ST6GALNAC3: variants seen among roughly 807,000 people sequenced by gnomAD.
The protein encoded by ST6GALNAC3 is alpha-N-acetylgalactosaminide alpha-2,6-sialyltransferase 3.
Under a neutral mutation model 32.7 loss-of-function variants are expected in ST6GALNAC3, and 25 were observed. The observed-to-expected ratio is 0.76, with a 90% confidence interval of 0.56 to 1.07. The LOEUF (loss-of-function observed/expected upper bound fraction) is 1.07. Ranked by LOEUF, ST6GALNAC3 falls within the 50% of genes least tolerant of loss-of-function variation. ST6GALNAC3 has a pLI of 0.00. For missense variants in ST6GALNAC3, 355 were observed against 382.4 expected, an observed-to-expected ratio of 0.93 and a Z score of 0.60; for synonymous variants, 129 against 133.1, an observed-to-expected ratio of 0.97 and a Z score of 0.21.
intron 3 of ST6GALNAC3, among the ~76,000 whole-genome samples, chr1:76,473,905 A>G (rs1044041383): frequency 3.3e-5 from 5 of 152,132 alleles, no homozygotes; most frequent in African/African-American, 1.2e-4. Context: ...GATACATTGC[A>G]CTTTTCATTT....
intron 3 of ST6GALNAC3, among the ~76,000 whole-genome samples, chr1:76,487,106 G>T (rs1660173563): frequency 6.6e-6 from 1 of 152,156 alleles, no homozygotes; most frequent in East Asian, 1.9e-4. Flanking sequence ...CTGTTAGTCT[G>T]ATAGCCTTCC....
At chr1:76,236,010 CTG>C (rs1179696806) in intron 1 of ST6GALNAC3, among the ~76,000 whole-genome samples, 1 of 151,998 alleles carries the variant, frequency 6.6e-6, no homozygotes, top group Admixed American at 6.6e-5. Context: ...GAGTCCCACT[CTG>C]TTGCCCAGGC....
intron 1 of ST6GALNAC3, among the ~76,000 whole-genome samples, chr1:76,252,808 G>A (rs1657699040): frequency 6.6e-6 from 1 of 152,122 alleles, no homozygotes; most frequent in African/African-American, 2.4e-5. Context: ...CTCTGTGATA[G>A]CATTCAATTT....
chr1:76,419,598 T>C (rs747126916), intron 3 of ST6GALNAC3, among the ~76,000 whole-genome samples: 45 of 152,134 alleles, frequency 3.0e-4, no homozygotes, highest in Non-Finnish European at 6.0e-4. Flanking sequence ...CAAGTAAGGA[T>C]AGTTACATTC....
intron 2 of ST6GALNAC3, among the ~76,000 whole-genome samples, chr1:76,317,468 C>T (rs1193451356): frequency 6.6e-6 from 1 of 152,018 alleles, no homozygotes; most frequent in Non-Finnish European, 1.5e-5. Flanking sequence ...CACACTAAGT[C>T]CCTATTCATT....
At chr1:76,151,646 C>T (rs1477234395) in intron 1 of ST6GALNAC3, among the ~76,000 whole-genome samples, 1 of 151,808 alleles carries the variant, frequency 6.6e-6, no homozygotes, top group Non-Finnish European at 1.5e-5. Flanking sequence ...GCACAGGTGC[C>T]TCTGAGTGAT....
In ST6GALNAC3 at chr1:76,550,135, T is replaced by C. The variant is rs566775126; in HGVS notation, c.624-77317T>C. On this transcript the variant is annotated intron_variant, in intron 3 of 4. Coordinates refer to ENST00000328299, the MANE Select transcript of ST6GALNAC3 (RefSeq NM_152996.4). ...ACTGTTGCTAGGCTTTTCATGTTGT[T>C]TATGATGTTGCTTTATTAATAGCAG... 3.9e-4 allele frequency among the ~76,000 whole-genome samples: 59 copies of C among 152,346 alleles called. 1 individual carries two copies. Among genetic ancestry groups the C allele is most frequent in the African/African-American group, 1.4e-3 (59 of 41,568 alleles).
chr1:76,373,010 T>C (rs1454928638), intron 2 of ST6GALNAC3, among the ~76,000 whole-genome samples: 1 of 152,214 alleles, frequency 6.6e-6, no homozygotes, highest in Non-Finnish European at 1.5e-5. Context: ...TTGGCCAGGC[T>C]GGTCTCTAAG....
chr1:76,611,187 A>G (rs1647909425), intron 3 of ST6GALNAC3, among the ~76,000 whole-genome samples: 1 of 151,800 alleles, frequency 6.6e-6, no homozygotes, highest in Non-Finnish European at 1.5e-5. Flanking sequence ...TTATCCTGGT[A>G]CTCTTAAGGT....
chr1:76,431,293 C>A (rs1402633412), intron 3 of ST6GALNAC3, among the ~76,000 whole-genome samples: 1 of 152,152 alleles, frequency 6.6e-6, no homozygotes, highest in Admixed American at 6.5e-5. Context: ...AGCTCACTTC[C>A]AACAGTCTCA....
chr1:76,434,744 G>A (rs1451192965), intron 3 of ST6GALNAC3, among the ~76,000 whole-genome samples: 1 of 141,900 alleles, frequency 7.0e-6, no homozygotes, highest in Non-Finnish European at 1.5e-5. Flanking sequence ...TTTATGAGCT[G>A]TCACTAGAAG....
At chr1:76,422,754 T>A (rs1655109740) in intron 3 of ST6GALNAC3, among the ~76,000 whole-genome samples, 1 of 152,058 alleles carries the variant, frequency 6.6e-6, no homozygotes, top group Non-Finnish European at 1.5e-5. Flanking sequence ...AGATATCAAG[T>A]CACATTCAAT....
At chr1:76,177,760 G>C (rs542473392) in intron 1 of ST6GALNAC3, among the ~76,000 whole-genome samples, 1 of 152,234 alleles carries the variant, frequency 6.6e-6, no homozygotes, top group South Asian at 2.1e-4. Context: ...CATTCAGATC[G>C]CTGTGTACAG....
chr1:76,534,381 C>T (rs1365021718), intron 3 of ST6GALNAC3, among the ~76,000 whole-genome samples: 2 of 152,154 alleles, frequency 1.3e-5, no homozygotes, highest in African/African-American at 4.8e-5. Context: ...GTCTCTAATA[C>T]TCCATGGTAG....
At chr1:76,405,560 A>G (rs1419334438) in intron 2 of ST6GALNAC3, among the ~76,000 whole-genome samples, 1 of 151,808 alleles carries the variant, frequency 6.6e-6, no homozygotes, top group East Asian at 1.9e-4. Flanking sequence ...AGAGTGAGCA[A>G]TCACATCAGC....
At chr1:76,415,171 C>CT (rs71072000) in intron 3 of ST6GALNAC3, among the ~76,000 whole-genome samples, 6,244 of 70,476 alleles carry the variant, frequency 0.089, 560 homozygotes, top group African/African-American at 0.18. Flanking sequence ...GGATTCATGT[C>CT]TTTTTTTTTT....
chr1:76,468,036 T>A (rs968901130), intron 3 of ST6GALNAC3, among the ~76,000 whole-genome samples: 2 of 147,078 alleles, frequency 1.4e-5, no homozygotes, highest in African/African-American at 2.6e-5. Context: ...TTTTCTAAAA[T>A]TTTTTTTTTG....
chr1:76,516,358 A>G (rs965966852), intron 3 of ST6GALNAC3, among the ~76,000 whole-genome samples: 1 of 152,166 alleles, frequency 6.6e-6, no homozygotes, highest in South Asian at 2.1e-4. Context: ...TTTGATGAGC[A>G]TATGCTTTTC....
intron 3 of ST6GALNAC3, among the ~76,000 whole-genome samples, chr1:76,451,115 A>C (rs1048518016): frequency 6.6e-6 from 1 of 152,130 alleles, no homozygotes; most frequent in Non-Finnish European, 1.5e-5. Context: ...TGGGAATTGC[A>C]TTGAATTTGC....
Sources: gnomAD v4.1 joint callset for allele counts (sites outside exome capture counted in the v4.1 genomes callset) on GRCh38, gnomAD v4.1.1 for gene constraint, MANE v1.5 for transcripts, NCBI Gene and HGNC (gene_info 2026-07-23, HGNC 2026-07-21) for gene names.